Variants in USH2A observed in about 807,000 individuals in gnomAD.
USH2A encodes the protein usherin, also known as Usher syndrome 2A (autosomal recessive, mild).
Under a neutral mutation model 538.9 loss-of-function variants are expected in USH2A, and 443 were observed. That is an observed-to-expected ratio of 0.82 (90% CI 0.76 to 0.89). USH2A has a LOEUF of 0.89. Ranked by LOEUF, USH2A falls within the 40% of genes least tolerant of loss-of-function variation. The pLI is 0.00. For missense variants in USH2A, 6,633 were observed against 6,324.8 expected, an observed-to-expected ratio of 1.05 and a Z score of -1.65; for synonymous variants, 2,413 against 2,273.5, an observed-to-expected ratio of 1.06 and a Z score of -1.75.
At chr1:215,816,484 T>C (rs1662860737) in intron 48 of USH2A, among the ~76,000 whole-genome samples, 2 of 152,078 alleles carry the variant, frequency 1.3e-5, no homozygotes, top group African/African-American at 2.4e-5. Flanking sequence ...TATTTCATTA[T>C]ATAAAATTCT....
At chr1:216,121,011 G>GT (rs1446598587) in intron 21 of USH2A, among the ~76,000 whole-genome samples, 2 of 152,084 alleles carry the variant, frequency 1.3e-5, no homozygotes, top group Non-Finnish European at 2.9e-5. Context: ...AAAAAAATGA[G>GT]TTTTATGGTA....
chr1:216,343,241 C>T (rs2038110172), intron 4 of USH2A, among the ~76,000 whole-genome samples: 2 of 151,432 alleles, frequency 1.3e-5, no homozygotes, highest in South Asian at 4.2e-4. Flanking sequence ...AAGTAATAAT[C>T]CTCATTATTT....
intron 35 of USH2A, 115 bp from the exon 36 acceptor site, chr1:215,970,891 A>T (rs1558188286): frequency 6.7e-6 from 7 of 1,045,860 alleles, no homozygotes; most frequent in Non-Finnish European, 1.0e-5. Context: ...TAAATCACAG[A>T]CTCTGGTATT....
chr1:215,668,768 T>C (rs1657711091), intron 64 of USH2A, among the ~76,000 whole-genome samples: 1 of 152,178 alleles, frequency 6.6e-6, no homozygotes, highest in South Asian at 2.1e-4. Flanking sequence ...TGGTGGCTCA[T>C]GCCTGTAATC....
rs370673771 is a variant in USH2A, at chr1:215,670,676, G to A, written c.14133+296C>T. 1.6e-4 allele frequency among the ~76,000 whole-genome samples: 24 copies of A among 152,204 alleles called. No homozygotes were observed. The East Asian group carries it at 2.7e-3, about 17-fold the overall frequency. On this transcript the variant is annotated intron_variant, in intron 64 of 71. Transcript: ENST00000307340. ...AAGGAGTGTCTCCTACCAAGGCAAC[G>A]CTGACAGAGGGAATCTTAATGGCAG...
At chr1:215,896,938 A>G (rs1404555058) in intron 40 of USH2A, among the ~76,000 whole-genome samples, 1 of 152,164 alleles carries the variant, frequency 6.6e-6, no homozygotes, top group Non-Finnish European at 1.5e-5. Context: ...ATTAACACAC[A>G]TTTAACAGGA....
intron 9 of USH2A, among the ~76,000 whole-genome samples, chr1:216,316,477 G>A (rs917324961): frequency 5.3e-5 from 8 of 152,116 alleles, no homozygotes; most frequent in Non-Finnish European, 1.2e-4. Context: ...TCACCAAAGT[G>A]ATGTCGCCCA....
chr1:216,400,641 A>G (rs1002927759), intron 3 of USH2A, among the ~76,000 whole-genome samples: 2 of 152,160 alleles, frequency 1.3e-5, no homozygotes, highest in Non-Finnish European at 2.9e-5. Flanking sequence ...GGCTTTCACT[A>G]TTAAACTGCT....
At chr1:215,705,945 C>A (rs1659171693) in intron 61 of USH2A, among the ~76,000 whole-genome samples, 2 of 152,184 alleles carry the variant, frequency 1.3e-5, no homozygotes, top group Admixed American at 6.5e-5. Context: ...CCTTATGCCT[C>A]AAGAGTATCT....
chr1:216,218,865 T>G (rs146600040), intron 14 of USH2A, among the ~76,000 whole-genome samples: 2 of 152,150 alleles, frequency 1.3e-5, no homozygotes, highest in African/African-American at 2.4e-5. Flanking sequence ...AATGGAATTA[T>G]AGATGCAAAA....
intron 21 of USH2A, among the ~76,000 whole-genome samples, chr1:216,112,788 T>C (rs1390269816): frequency 6.6e-6 from 1 of 151,880 alleles, no homozygotes; most frequent in Non-Finnish European, 1.5e-5. Flanking sequence ...CATGATCTTG[T>C]TTTTTTTCAT....
In USH2A at chr1:215,980,196, G is replaced by A. The variant is rs142167518; in HGVS notation, c.6806-9420C>T. 4.4e-3 allele frequency among the ~76,000 whole-genome samples: 663 copies of A among 152,210 alleles called. 17 individuals carry two copies. The highest frequency in any genetic ancestry group is 0.031 in the Admixed American group (467 of 15,284). Reference sequence around the variant, plus strand: ...TAAAGCAATAATCACTGGATTGAGCGTTTTAATCAAGTACTATTTAATCTT... The same window carrying A: ...TAAAGCAATAATCACTGGATTGAGCATTTTAATCAAGTACTATTTAATCTT... On this transcript the variant is annotated intron_variant, in intron 35 of 71. Transcript: ENST00000307340.
At chr1:215,776,838 A>G (rs1322883851) in intron 55 of USH2A, among the ~76,000 whole-genome samples, 1 of 152,238 alleles carries the variant, frequency 6.6e-6, no homozygotes, top group African/African-American at 2.4e-5. Context: ...TTTCCTGGGC[A>G]AATGAGTAAC....
At chr1:216,157,363 T>C (rs757083180) in intron 21 of USH2A, among the ~76,000 whole-genome samples, 29 of 152,220 alleles carry the variant, frequency 1.9e-4, no homozygotes, top group Non-Finnish European at 3.7e-4. Context: ...AGAATGCTTA[T>C]GCACGATTGG....
At chr1:216,395,242 C>T (rs181022618) in intron 3 of USH2A, among the ~76,000 whole-genome samples, 211 of 152,208 alleles carry the variant, frequency 1.4e-3, no homozygotes, top group African/African-American at 4.6e-3. Context: ...AACAATCAAC[C>T]GAATGTTAAT....
At chr1:216,226,885 T>C (rs1490869692) in intron 14 of USH2A, among the ~76,000 whole-genome samples, 1 of 152,160 alleles carries the variant, frequency 6.6e-6, no homozygotes, top group African/African-American at 2.4e-5. Context: ...CAGGGCACTG[T>C]CTTCTAGCTT....
intron 9 of USH2A, among the ~76,000 whole-genome samples, chr1:216,303,714 A>G (rs1474475835): frequency 6.6e-6 from 1 of 151,932 alleles, no homozygotes; most frequent in Non-Finnish European, 1.5e-5. Flanking sequence ...AGTCATCTCT[A>G]TTTATTATAG....
At chr1:215,923,677 GTCA>G (rs1666159253) in intron 38 of USH2A, among the ~76,000 whole-genome samples, 1 of 152,014 alleles carries the variant, frequency 6.6e-6, no homozygotes, top group Non-Finnish European at 1.5e-5. Flanking sequence ...TTGGAGCCCT[GTCA>G]TCAAAAGAAA....
intron 9 of USH2A, among the ~76,000 whole-genome samples, chr1:216,292,632 T>C (rs2037024699): frequency 6.6e-6 from 1 of 152,074 alleles, no homozygotes; most frequent in Non-Finnish European, 1.5e-5. Flanking sequence ...TGTGGGTACG[T>C]AGTAGGTGTA....
Sources: gnomAD v4.1 joint callset for allele counts (sites outside exome capture counted in the v4.1 genomes callset) on GRCh38, gnomAD v4.1.1 for gene constraint, MANE v1.5 for transcripts, NCBI Gene and HGNC (gene_info 2026-07-23, HGNC 2026-07-21) for gene names.